Variants in TSPAN18 observed in about 807,000 individuals in gnomAD.
TSPAN18 encodes tetraspanin 18.
A neutral mutation model predicts 27.3 loss-of-function variants in TSPAN18; 14 were observed. The ratio of observed to expected loss-of-function variants is 0.51; its 90% CI spans 0.34 to 0.80. The LOEUF (loss-of-function observed/expected upper bound fraction) is 0.80, where lower values mean the gene tolerates loss of function less well. Ranked by LOEUF, TSPAN18 falls within the 30% of genes least tolerant of loss-of-function variation. TSPAN18 has a pLI of 0.01. For synonymous variants in TSPAN18, 143 were observed against 136.5 expected (o/e 1.05, Z -0.33); for missense variants, 268 against 323.9 (o/e 0.83, Z 1.32).
intron 2 of TSPAN18, among the ~76,000 whole-genome samples, chr11:44,826,710 A>C (rs1357882436): frequency 6.6e-6 from 1 of 152,166 alleles, no homozygotes; most frequent in African/African-American, 2.4e-5. Context: ...CTAAAGCCAA[A>C]GCTCTTTACG....
chr11:44,911,871 A>AT (rs367575621), intron 5 of TSPAN18, among the ~76,000 whole-genome samples: 92 of 151,914 alleles, frequency 6.1e-4, no homozygotes, highest in African/African-American at 2.0e-3. Flanking sequence ...GAGAGAGGTG[A>AT]TCCTGGCTGC....
intron 2 of TSPAN18, among the ~76,000 whole-genome samples, chr11:44,814,491 G>T (rs1856781322): frequency 6.6e-6 from 1 of 152,178 alleles, no homozygotes; most frequent in African/African-American, 2.4e-5. Flanking sequence ...ACTAGTCCCA[G>T]TGCCTCATTT....
intron 2 of TSPAN18, among the ~76,000 whole-genome samples, chr11:44,812,325 G>A (rs567524687): frequency 2.0e-5 from 3 of 152,204 alleles, no homozygotes; most frequent in Non-Finnish European, 2.9e-5. Flanking sequence ...TGTGCTCAGC[G>A]AGGTGCTTGG....
chr11:44,825,913 G>A (rs1857031180), intron 2 of TSPAN18, among the ~76,000 whole-genome samples: 1 of 152,234 alleles, frequency 6.6e-6, no homozygotes, highest in Admixed American at 6.5e-5. Flanking sequence ...CGAAAACCAG[G>A]GTGTGGGTCC....
intron 3 of TSPAN18, among the ~76,000 whole-genome samples, chr11:44,899,803 G>A (rs1859191954): frequency 6.6e-6 from 1 of 152,178 alleles, no homozygotes; most frequent in Admixed American, 6.5e-5. Flanking sequence ...GGTCCCACCT[G>A]ACCCTACAGG....
At chr11:44,822,758 C>G (rs1310759041) in intron 2 of TSPAN18, among the ~76,000 whole-genome samples, 1 of 152,104 alleles carries the variant, frequency 6.6e-6, no homozygotes, top group Non-Finnish European at 1.5e-5. Context: ...GGGAAAATGT[C>G]AGACCCCAAA....
intron 1 of TSPAN18, among the ~76,000 whole-genome samples, chr11:44,730,375 A>C (rs188853332): frequency 6.6e-6 from 1 of 152,014 alleles, no homozygotes; most frequent in African/African-American, 2.4e-5. Context: ...TTTCTGGTCT[A>C]TTTCATCAGC....
chr11:44,785,661 C>T (rs750225915), intron 2 of TSPAN18, among the ~76,000 whole-genome samples: 1 of 151,928 alleles, frequency 6.6e-6, no homozygotes, highest in Non-Finnish European at 1.5e-5. Context: ...TGATAATGCT[C>T]CCTTTGTCTG....
At chr11:44,753,854 A>G (rs1291900928) in intron 1 of TSPAN18, among the ~76,000 whole-genome samples, 1 of 152,208 alleles carries the variant, frequency 6.6e-6, no homozygotes, top group Non-Finnish European at 1.5e-5. Flanking sequence ...GTGACAGCCT[A>G]TCCACTACTC....
chr11:44,736,562 G>A (rs1209166467), intron 1 of TSPAN18: 1 of 152,166 alleles, frequency 6.6e-6, no homozygotes. Context: ...GGGTGTCTGG[G>A]CATCTGAATA....
intron 2 of TSPAN18, among the ~76,000 whole-genome samples, chr11:44,825,716 G>T (rs1247692910): frequency 2.0e-5 from 3 of 152,170 alleles, no homozygotes; most frequent in Non-Finnish European, 1.5e-5. Flanking sequence ...GTTGAAGCGG[G>T]GGTTGGCTGG....
chr11:44,762,596 C>T (rs1855478158), intron 1 of TSPAN18, among the ~76,000 whole-genome samples: 1 of 152,002 alleles, frequency 6.6e-6, no homozygotes, highest in Non-Finnish European at 1.5e-5. Flanking sequence ...TGCCCAAGGT[C>T]ATACCTATAT....
intron 2 of TSPAN18, among the ~76,000 whole-genome samples, chr11:44,859,013 C>T (rs1374039386): frequency 2.0e-5 from 3 of 152,208 alleles, no homozygotes; most frequent in Non-Finnish European, 2.9e-5. Context: ...CATTCGTGCT[C>T]ACCAGCTTGC....
intron 3 of TSPAN18, among the ~76,000 whole-genome samples, chr11:44,878,641 G>A (rs960502681): frequency 1.8e-4 from 28 of 152,162 alleles, no homozygotes; most frequent in Admixed American, 1.3e-4. Flanking sequence ...CATCCTAATA[G>A]AACATTAATT....
intron 2 of TSPAN18, among the ~76,000 whole-genome samples, chr11:44,834,955 C>G (rs989259983): frequency 1.3e-5 from 2 of 152,190 alleles, no homozygotes; most frequent in Non-Finnish European, 2.9e-5. Context: ...GCTGATCCCA[C>G]AGGGAAACCT....
chr11:44,931,679 G>T lies in TSPAN18; in HGVS notation c.*2501G>T, dbSNP rs2135394999. Reference sequence around the variant, plus strand: ...GGTAGCTATTTGCAAGACTGCCTGAGGCCATTCCTTGGAGGCAAGGCAAAG... The same window carrying T: ...GGTAGCTATTTGCAAGACTGCCTGATGCCATTCCTTGGAGGCAAGGCAAAG... On this transcript the variant is annotated 3_prime_UTR_variant, in exon 10 of 10. Coordinates refer to ENST00000520358, the MANE Select transcript of TSPAN18 (RefSeq NM_130783.5). The T allele has an allele frequency of 6.6e-6, 1 of 152,378 alleles. No homozygotes were observed. Among genetic ancestry groups the T allele is most frequent in the East Asian group, 1.9e-4 (1 of 5,182 alleles). The allele number at this position is 152,378 out of a possible 1,614,324, so 9.4% of individuals were successfully genotyped here.
rs143575325 is a variant in TSPAN18 at position 44,906,426 on chromosome 11, G to T, written c.10G>T (p.Asp4Tyr). The change falls in exon 4 of 10, where the codon GAC becomes TAC. Residue 4 changes from aspartate to tyrosine, a missense_variant. By Grantham distance (160) the Asp-to-Tyr change is radical (BLOSUM62 -3). Transcript: ENST00000520358. ...TTCTAGGTGGAGCACCATGGAAGGC[G>T]ACTGTCTGAGCTGCATGAAGTATCT... MEGDCLSCMKYLMF... is the reference protein window; with the variant it reads MEGYCLSCMKYLMF... 30 of 1,614,066 alleles carry T rather than the reference G, an allele frequency of 1.9e-5. No individual in the cohort carries two copies. The highest frequency in any genetic ancestry group is 2.4e-5 in the Non-Finnish European group (28 of 1,180,032).
At chr11:44,902,492 G>A (rs549739424) in intron 3 of TSPAN18, among the ~76,000 whole-genome samples, 1 of 152,346 alleles carries the variant, frequency 6.6e-6, no homozygotes, top group South Asian at 2.1e-4. Flanking sequence ...TGGGCTTGGT[G>A]ACGAAGGAAG....
intron 3 of TSPAN18, chr11:44,903,894 G>A (rs945717725): frequency 6.6e-6 from 3 of 456,510 alleles, no homozygotes; most frequent in African/African-American, 4.0e-5. Context: ...TCCACCTCTG[G>A]AAAATAAGGA....
Sources: allele counts gnomAD v4.1 joint callset (sites outside exome capture counted in the v4.1 genomes callset), GRCh38; gene constraint gnomAD v4.1.1; transcripts MANE v1.5; gene names NCBI Gene and HGNC (gene_info 2026-07-23, HGNC 2026-07-21).